NRXN3: variants seen among roughly 807,000 people sequenced by gnomAD.
The protein encoded by NRXN3 is neurexin III.
A neutral mutation model predicts 137.6 loss-of-function variants in NRXN3; 32 were observed. The ratio of observed to expected loss-of-function variants is 0.23; its 90% CI spans 0.18 to 0.31. The LOEUF (loss-of-function observed/expected upper bound fraction) is 0.31, where lower values mean the gene tolerates loss of function less well. Ranked by LOEUF, NRXN3 falls within the 10% of genes least tolerant of loss-of-function variation. The pLI is 1.00. For missense variants in NRXN3, 1,574 were observed against 2,062.5 expected (o/e 0.76, Z 4.59); for synonymous variants, 798 against 784.5 (o/e 1.02, Z -0.29).
At position 78,178,704 on chromosome 14, in the gene NRXN3, G is replaced by T. The variant is rs2059500446; in HGVS notation, c.-704+8030G>T. On this transcript the variant is annotated intron_variant, in intron 1 of 20. Coordinates refer to ENST00000335750, the MANE Select transcript of NRXN3 (RefSeq NM_001330195.2). ...TCATGCTCTGCTATTTTTCACTTAG[G>T]TGGGTAGTGTCCTCATTTATCTGTT... Among the ~76,000 whole-genome samples, 3 of 152,218 alleles carry T rather than the reference G, an allele frequency of 2.0e-5. No individual in the cohort carries two copies. The South Asian group carries it at 6.2e-4, about 32-fold the overall frequency.
intron 20 of NRXN3, among the ~76,000 whole-genome samples, chr14:79,856,700 A>T (rs960952674): frequency 6.6e-6 from 1 of 151,428 alleles, no homozygotes; most frequent in Non-Finnish European, 1.5e-5. Flanking sequence ...ATTCTATTAA[A>T]TTTTTTATAC....
intron 8 of NRXN3, among the ~76,000 whole-genome samples, chr14:78,748,540 A>G (rs2098624778): frequency 6.6e-6 from 1 of 152,176 alleles, no homozygotes; most frequent in African/African-American, 2.4e-5. Context: ...AATTTAAAAA[A>G]ATTATCCTAA....
intron 1 of NRXN3, among the ~76,000 whole-genome samples, chr14:78,241,864 T>G (rs1369577590): frequency 6.6e-6 from 1 of 152,122 alleles, no homozygotes; most frequent in Non-Finnish European, 1.5e-5. Context: ...GAGGATTATT[T>G]TACTCATTAC....
At chr14:79,599,747 C>A (rs1294002467) in intron 16 of NRXN3, among the ~76,000 whole-genome samples, 1 of 152,184 alleles carries the variant, frequency 6.6e-6, no homozygotes, top group Non-Finnish European at 1.5e-5. Context: ...GTAATCCCAG[C>A]ACTTTGGGAG....
At chr14:79,629,846 T>C (rs970332146) in intron 16 of NRXN3, among the ~76,000 whole-genome samples, 2 of 124,336 alleles carry the variant, frequency 1.6e-5, no homozygotes, top group Non-Finnish European at 3.3e-5. Context: ...TGTGTGTGCG[T>C]GTGTGTGTGT....
chr14:78,235,832 T>C (rs769755776), intron 1 of NRXN3, among the ~76,000 whole-genome samples: 3 of 152,170 alleles, frequency 2.0e-5, no homozygotes, highest in Non-Finnish European at 2.9e-5. Context: ...GAAGAGAAGA[T>C]GCAAGAAGGG....
At chr14:78,677,639 A>G (rs906306696) in intron 6 of NRXN3, among the ~76,000 whole-genome samples, 5 of 152,198 alleles carry the variant, frequency 3.3e-5, no homozygotes, top group African/African-American at 9.6e-5. Flanking sequence ...TGGTAAAGGA[A>G]TGATAAGGTT....
intron 19 of NRXN3, among the ~76,000 whole-genome samples, chr14:79,706,570 G>A (rs1263241215): frequency 6.6e-6 from 1 of 151,930 alleles, no homozygotes; most frequent in African/African-American, 2.4e-5. Flanking sequence ...CATGTTCCCA[G>A]GCTCAGAGCG....
At chr14:79,159,691 C>G (rs375855601) in intron 15 of NRXN3, among the ~76,000 whole-genome samples, 93 of 151,870 alleles carry the variant, frequency 6.1e-4, no homozygotes, top group African/African-American at 2.2e-3. Flanking sequence ...TTACCATTCT[C>G]TCACCCAAGC....
intron 10 of NRXN3, among the ~76,000 whole-genome samples, chr14:78,918,285 CAAAAAAAA>C (rs71454807): frequency 2.9e-5 from 1 of 34,668 alleles, no homozygotes; most frequent in Non-Finnish European, 5.1e-5. Flanking sequence ...AACTCCATCT[CAAAAAAAA>C]AAAAAAAAAA....
chr14:79,706,235 T>C (rs1380041762), intron 19 of NRXN3, among the ~76,000 whole-genome samples: 1 of 152,188 alleles, frequency 6.6e-6, no homozygotes, highest in Non-Finnish European at 1.5e-5. Context: ...AAGCAAGGGC[T>C]AATTCTAGCA....
chr14:78,300,751 C>A, intron 4 of NRXN3: 1 of 1,158,566 alleles, frequency 8.6e-7, no homozygotes. Flanking sequence ...AATATTCATG[C>A]ATCCAAGAGG....
At chr14:79,080,958 C>T (rs2046876029) in intron 15 of NRXN3, among the ~76,000 whole-genome samples, 1 of 152,158 alleles carries the variant, frequency 6.6e-6, no homozygotes, top group Admixed American at 6.5e-5. Context: ...ATCCCTCCCC[C>T]ATTAACTTTT....
At chr14:78,689,028 T>C (rs987081273) in intron 6 of NRXN3, among the ~76,000 whole-genome samples, 1 of 151,806 alleles carries the variant, frequency 6.6e-6, no homozygotes, top group African/African-American at 2.4e-5. Context: ...AAGGGGATAG[T>C]ACTGTAGCTG....
chr14:78,410,067 A>G (rs1458624523), intron 4 of NRXN3, among the ~76,000 whole-genome samples: 1 of 152,186 alleles, frequency 6.6e-6, no homozygotes, highest in African/African-American at 2.4e-5. Flanking sequence ...GGGAGATATA[A>G]CAGTTACTTT....
In NRXN3 at chr14:79,864,003, A is replaced by C. The variant is rs940670744; in HGVS notation, c.*2039A>C. 1.5e-4 allele frequency: 23 copies of C among 152,398 alleles called. No homozygotes were observed. In the East Asian group the frequency reaches 2.9e-3, roughly 19 times the overall value. The allele number at this position is 152,398 out of a possible 1,614,324, so 9.4% of individuals were successfully genotyped here. On this transcript the variant is annotated 3_prime_UTR_variant, in exon 21 of 21. Transcript: ENST00000335750. ...AATATTTCAATGTGTTAAGAGTTTA[A>C]TTTTTTTGTTATCATTAAAAAAGAC...
intron 8 of NRXN3, among the ~76,000 whole-genome samples, chr14:78,750,646 C>A (rs1200626716): frequency 1.3e-5 from 2 of 152,176 alleles, no homozygotes; most frequent in South Asian, 2.1e-4. Flanking sequence ...TACCAATGAA[C>A]AACATGGGCC....
At position 79,274,921 on chromosome 14, in the gene NRXN3, A is replaced by G. The variant is rs148792619; in HGVS notation, c.3263-192300A>G. Among the ~76,000 whole-genome samples, 5 of 152,360 alleles carry G rather than the reference A, an allele frequency of 3.3e-5. No homozygotes were observed. The East Asian group carries it at 7.7e-4, about 24-fold the overall frequency. ...AAGCAGTATATACATTCTCTAAACT[A>G]TACATTTATACAAGGATGCCATTGT... On this transcript the variant is annotated intron_variant, in intron 15 of 20. Transcript: ENST00000335750.
chr14:78,192,812 G>A (rs2060872909), intron 1 of NRXN3, among the ~76,000 whole-genome samples: 1 of 152,162 alleles, frequency 6.6e-6, no homozygotes, highest in Non-Finnish European at 1.5e-5. Context: ...CCTGGGAGGT[G>A]TTAGCCACTG....
Sources: allele counts gnomAD v4.1 joint callset (sites outside exome capture counted in the v4.1 genomes callset), GRCh38; gene constraint gnomAD v4.1.1; transcripts MANE v1.5; gene names NCBI Gene and HGNC (gene_info 2026-07-23, HGNC 2026-07-21).